Variants in DOCK7 observed in about 807,000 individuals in gnomAD.
DOCK7 encodes the protein dedicator of cytokinesis protein 7.
DOCK7 carries 138 observed loss-of-function variants against 271.0 expected under a neutral mutation model. The ratio of observed to expected loss-of-function variants is 0.51; its 90% CI spans 0.44 to 0.59. The LOEUF (loss-of-function observed/expected upper bound fraction) is 0.59. Among genes scored for constraint, DOCK7 ranks in the 20% least tolerant of loss-of-function variants. DOCK7 has a pLI of 0.00. For synonymous variants in DOCK7, 823 were observed against 876.1 expected (o/e 0.94, Z 1.07); for missense variants, 2,066 against 2,592.4 (o/e 0.80, Z 4.41).
chr1:62,646,948 G>C (rs573627597), intron 7 of DOCK7, among the ~76,000 whole-genome samples: 1 of 152,302 alleles, frequency 6.6e-6, no homozygotes, highest in South Asian at 2.1e-4. Context: ...AGTAAGAACT[G>C]ATGTTAGGTG....
At chr1:62,513,999 G>T in intron 31 of DOCK7, 101 bp from the exon 32 acceptor site, 2 of 1,072,394 alleles carry the variant, frequency 1.9e-6, no homozygotes, top group Non-Finnish European at 2.7e-6. Context: ...AACAAAAGTT[G>T]CTTAAAAATA....
chr1:62,562,195 T>A (rs1341044134), intron 18 of DOCK7, among the ~76,000 whole-genome samples: 1 of 149,494 alleles, frequency 6.7e-6, no homozygotes, highest in African/African-American at 2.4e-5. Flanking sequence ...TCTTAAAATA[T>A]TTGCAAGCAA....
chr1:62,551,467 G>A (rs1645903671), intron 22 of DOCK7, among the ~76,000 whole-genome samples: 1 of 152,106 alleles, frequency 6.6e-6, no homozygotes, highest in South Asian at 2.1e-4. Flanking sequence ...GCCACAGGTT[G>A]AACAAGTGTG....
At chr1:62,594,512 T>A (rs1648931622) in intron 14 of DOCK7, among the ~76,000 whole-genome samples, 1 of 152,070 alleles carries the variant, frequency 6.6e-6, no homozygotes, top group Admixed American at 6.5e-5. Context: ...TAGGATATAA[T>A]ATAGAAGGAA....
At chr1:62,547,355 A>G (rs146470025) in intron 22 of DOCK7, among the ~76,000 whole-genome samples, 73 of 152,330 alleles carry the variant, frequency 4.8e-4, no homozygotes, top group African/African-American at 1.7e-3. Context: ...ATGTTTACCA[A>G]TTTCCAACAA....
chr1:62,641,506 G>C, intron 7 of DOCK7: 1 of 450,104 alleles, frequency 2.2e-6, no homozygotes, highest in Non-Finnish European at 4.5e-6. Context: ...TGGGGGCTTG[G>C]AAATGGTAGG....
intron 14 of DOCK7, chr1:62,597,517 T>C: frequency 6.2e-7 from 1 of 1,604,036 alleles, no homozygotes; most frequent in Non-Finnish European, 8.5e-7. Flanking sequence ...TAGGTCTGCT[T>C]CCAGAAGAAA....
chr1:62,678,088 A>G (rs896529741), intron 1 of DOCK7, among the ~76,000 whole-genome samples: 5 of 152,206 alleles, frequency 3.3e-5, no homozygotes, highest in Non-Finnish European at 7.4e-5. Context: ...TGATGACGCC[A>G]TTGTGCTCCA....
At chr1:62,547,063 AACTT>A (rs1226597730) in intron 22 of DOCK7, among the ~76,000 whole-genome samples, 1 of 152,156 alleles carries the variant, frequency 6.6e-6, no homozygotes, top group Non-Finnish European at 1.5e-5. Flanking sequence ...AAATTTACTT[AACTT>A]ACTGTTTAAT....
chr1:62,551,561 T>C (rs1645905814), intron 22 of DOCK7, among the ~76,000 whole-genome samples: 1 of 151,774 alleles, frequency 6.6e-6, no homozygotes, highest in Non-Finnish European at 1.5e-5. Flanking sequence ...GTCAATAAAA[T>C]AAGAAAAAAT....
In DOCK7 at chr1:62,647,787, A is replaced by C; in HGVS notation, c.733-11T>G. 1.3e-6 allele frequency: 2 copies of C among 1,572,066 alleles called. No individual in the cohort carries two copies. The highest frequency in any genetic ancestry group is 1.7e-6 in the Non-Finnish European group (2 of 1,152,378). ...TTCTATTGGTTCTTCCTACAAATTGAAAAGCAACACCAAAATGAATATGCT... is the reference window on the plus strand; with the variant it reads ...TTCTATTGGTTCTTCCTACAAATTGCAAAGCAACACCAAAATGAATATGCT... On this transcript the variant is annotated splice_polypyrimidine_tract_variant and intron_variant, in intron 6 of 49. Transcript: ENST00000635253.
intron 1 of DOCK7, among the ~76,000 whole-genome samples, chr1:62,676,361 A>G (rs1401761916): frequency 6.6e-6 from 1 of 152,232 alleles, no homozygotes; most frequent in Non-Finnish European, 1.5e-5. Flanking sequence ...AGTTATGCCC[A>G]GGGCTTGGGG....
chr1:62,479,694 G>GT, intron 43 of DOCK7: 18 of 353,956 alleles, frequency 5.1e-5, no homozygotes, highest in East Asian at 7.9e-5. Context: ...TTAGTTTTTA[G>GT]TTTTTTTGAG....
intron 21 of DOCK7, among the ~76,000 whole-genome samples, chr1:62,553,378 T>A (rs1646020865): frequency 1.1e-4 from 1 of 8,714 alleles, no homozygotes; most frequent in Non-Finnish European, 2.1e-4. Flanking sequence ...TTTTTTTTTT[T>A]TTTTTTTAAT....
intron 2 of DOCK7, among the ~76,000 whole-genome samples, chr1:62,660,574 T>C (rs569855575): frequency 7.2e-5 from 11 of 152,250 alleles, no homozygotes; most frequent in Non-Finnish European, 1.5e-4. Context: ...GATTGGTGGC[T>C]CCTCAAAAAG....
chr1:62,499,435 C>T (rs1229937867), intron 37 of DOCK7, among the ~76,000 whole-genome samples: 2 of 152,124 alleles, frequency 1.3e-5, no homozygotes, highest in Non-Finnish European at 2.9e-5. Context: ...AGATATAATT[C>T]ATTTATTAGA....
chr1:62,536,012 A>G (rs1041064269), intron 28 of DOCK7, among the ~76,000 whole-genome samples: 2 of 152,244 alleles, frequency 1.3e-5, no homozygotes, highest in East Asian at 3.8e-4. Flanking sequence ...AAATATTCAT[A>G]GTCAAGGCTA....
intron 19 of DOCK7, among the ~76,000 whole-genome samples, chr1:62,559,481 T>G (rs1278809390): frequency 1.3e-5 from 2 of 152,134 alleles, no homozygotes; most frequent in Non-Finnish European, 2.9e-5. Context: ...TTTATTAGTT[T>G]GAAGTTCAAT....
chr1:62,610,498 G>A (rs1008928454), intron 14 of DOCK7, among the ~76,000 whole-genome samples: 4 of 151,812 alleles, frequency 2.6e-5, no homozygotes, highest in Admixed American at 2.6e-4. Flanking sequence ...TTAAGTTCTG[G>A]GATACATGCG....
Sources: gnomAD v4.1 joint callset for allele counts (sites outside exome capture counted in the v4.1 genomes callset) on GRCh38, gnomAD v4.1.1 for gene constraint, MANE v1.5 for transcripts, NCBI Gene and HGNC (gene_info 2026-07-23, HGNC 2026-07-21) for gene names.